CNBD2: variants seen among roughly 807,000 people sequenced by gnomAD.
The protein encoded by CNBD2 is cyclic nucleotide binding domain containing 2, also known as cyclic nucleotide-binding domain-containing protein 2.
In CNBD2, 64 loss-of-function variants were observed where a neutral mutation model predicts 63.7. That is an observed-to-expected ratio of 1.00 (90% CI 0.82 to 1.24). The LOEUF (loss-of-function observed/expected upper bound fraction) is 1.24. Ranked by LOEUF, CNBD2 falls within the 50% of genes most tolerant of loss-of-function variation. CNBD2 has a pLI of 0.00. For missense variants in CNBD2, 691 were observed against 713.5 expected, an observed-to-expected ratio of 0.97 and a Z score of 0.36; for synonymous variants, 229 against 255.4, an observed-to-expected ratio of 0.90 and a Z score of 0.99.
chr20:35,980,306 A>G (rs2056578071), intron 3 of CNBD2, among the ~76,000 whole-genome samples, 153 bp from the exon 4 acceptor site: 2 of 151,438 alleles, frequency 1.3e-5, no homozygotes, highest in African/African-American at 2.4e-5. Flanking sequence ...TAAAATGTTT[A>G]TCCCAGTGCC....
rs2056683524 is a variant in CNBD2 at position 35,987,451 on chromosome 20, T to C, written c.773T>C (p.Met258Thr). 1.2e-6 allele frequency: 2 copies of C among 1,614,076 alleles called. No homozygotes were observed. The highest frequency in any genetic ancestry group is 2.2e-5 in the East Asian group (1 of 44,890). ...GAGAAGCTCTGGCAGCTGGTAGCCA[T>C]GGCGAAGATAGAGAGGTTCTCGTAT... is the stretch of plus-strand genomic sequence containing the variant. ...SDEKLWQLVA[M>T]AKIERFSYGQ... The change falls in exon 7 of 12, where the codon ATG becomes ACG. Residue 258 changes from methionine to threonine, a missense_variant. Physicochemically the swap from Met to Thr is moderately conservative, Grantham distance 81. Coordinates refer to ENST00000373973, the MANE Select transcript of CNBD2 (RefSeq NM_001365709.1).
intron 11 of CNBD2, among the ~76,000 whole-genome samples, chr20:36,024,123 G>C (rs957510123): frequency 1.8e-4 from 27 of 152,200 alleles, no homozygotes; most frequent in African/African-American, 6.0e-4. Context: ...ATCACTTGAG[G>C]TCAGGAGTTT....
chr20:36,014,675 G>T (rs374240588), intron 10 of CNBD2, among the ~76,000 whole-genome samples: 1 of 151,772 alleles, frequency 6.6e-6, no homozygotes, highest in Non-Finnish European at 1.5e-5. Flanking sequence ...TGTCACTCAG[G>T]CTGGAGTGCA....
chr20:35,998,477 G>A (rs1386254989), intron 8 of CNBD2, among the ~76,000 whole-genome samples: 5 of 152,096 alleles, frequency 3.3e-5, no homozygotes, highest in Non-Finnish European at 1.5e-5. Flanking sequence ...TTGCTGTTTT[G>A]GGGTGCAGTG....
chr20:35,966,718 C>T (rs369010236), upstream of CNBD2, among the ~76,000 whole-genome samples: 1 of 152,192 alleles, frequency 6.6e-6, no homozygotes, highest in East Asian at 1.9e-4. Context: ...TCCAGGGCCT[C>T]CAAGTTCTAA....
intron 10 of CNBD2, among the ~76,000 whole-genome samples, chr20:36,023,210 C>T (rs1283624731): frequency 2.0e-5 from 3 of 152,132 alleles, no homozygotes; most frequent in African/African-American, 4.8e-5. Context: ...CTGTTTGAGG[C>T]CTTCTTTTTC....
At chr20:35,955,763 GTTTTGTTTTTGT>G (rs797002811), downstream of CNBD2, among the ~76,000 whole-genome samples, 1 of 152,114 alleles carries the variant, frequency 6.6e-6, no homozygotes, top group Non-Finnish European at 1.5e-5. Context: ...CTCACAAATA[GTTTTGTTTTTGT>G]TTTTGTTTTT....
At chr20:35,981,876 C>T (rs892486288) in intron 4 of CNBD2, among the ~76,000 whole-genome samples, 1 of 152,186 alleles carries the variant, frequency 6.6e-6, no homozygotes, top group Non-Finnish European at 1.5e-5. Flanking sequence ...TCCCTTCCCT[C>T]AGGAGTTTGC....
chr20:35,968,669 T>G lies in CNBD2; in HGVS notation c.-94T>G. On this transcript the variant is annotated 5_prime_UTR_variant, in exon 1 of 12. Transcript: ENST00000373973. ...TGCCTTGTTACTGAGGAAATCTATT[T>G]GTTTCTAGTATTACTGGATTTTTGG... 2.3e-6 allele frequency: 2 copies of G among 876,846 alleles called. No homozygotes were observed. 54.3% of individuals were successfully genotyped at this position (876,846 alleles called of 1,614,324 possible).
chr20:35,999,824 C>T (rs1353640208), intron 8 of CNBD2, among the ~76,000 whole-genome samples: 2 of 151,882 alleles, frequency 1.3e-5, no homozygotes, highest in South Asian at 4.2e-4. Flanking sequence ...ATTATAGGTG[C>T]CTGCCACCAT....
chr20:36,011,396 A>G (rs2057059065), intron 10 of CNBD2, 139 bp downstream of exon 10: 3 of 1,165,402 alleles, frequency 2.6e-6, no homozygotes, highest in Non-Finnish European at 3.4e-6. Flanking sequence ...TAAAGATGTG[A>G]TAAGAATAGG....
chr20:35,972,502 CCAGCACACTA>C lies in CNBD2; in HGVS notation c.52-115_52-106del, dbSNP rs2056434047. On this transcript the variant is annotated intron_variant, in intron 1 of 11. Transcript: ENST00000373973. ...AATTCCTGAAAATGTAACCATCACT[CCAGCACACTA>C]CAGCACACTACTGCATTTAATCCTG... is the stretch of plus-strand genomic sequence containing the variant. The C allele has an allele frequency of 7.9e-6, 7 of 883,998 alleles. No homozygotes were observed. In the South Asian group the frequency reaches 8.4e-5, roughly 11 times the overall value. 54.8% of individuals were successfully genotyped at this position (883,998 alleles called of 1,614,324 possible). A position where few individuals can be genotyped will look rare whatever the true frequency, so the allele number is the denominator to read the frequency against.
intron 3 of CNBD2, 125 bp from the exon 4 acceptor site, chr20:35,980,334 T>C: frequency 1.3e-6 from 1 of 799,984 alleles, no homozygotes; most frequent in East Asian, 2.5e-5. Context: ...CAGTAAGCAC[T>C]CATCACGTCA....
At chr20:35,968,291 G>A (rs1443547775), upstream of CNBD2, among the ~76,000 whole-genome samples, 1 of 152,114 alleles carries the variant, frequency 6.6e-6, no homozygotes, top group African/African-American at 2.4e-5. Context: ...TCATGGCACT[G>A]GTAGGAGTGT....
intron 8 of CNBD2, among the ~76,000 whole-genome samples, chr20:36,001,608 C>T (rs1393121753): frequency 5.6e-3 from 603 of 107,494 alleles, no homozygotes; most frequent in Middle Eastern, 0.012. Context: ...GACGGGGCGG[C>T]TGCCAGGCGG....
rs371561356 is a variant in CNBD2 at position 36,023,790 on chromosome 20, C to T, written c.1439+19C>T. 7.7e-5 allele frequency: 120 copies of T among 1,563,522 alleles called. No individual in the cohort carries two copies. The highest frequency in any genetic ancestry group is 9.2e-5 in the Non-Finnish European group (106 of 1,155,410). Reference sequence around the variant, plus strand: ...TCCCCAGGTCAGTACTGGAAATGTGCGTAAGTCCCATCAGGTGAAATGAAC... The same window carrying T: ...TCCCCAGGTCAGTACTGGAAATGTGTGTAAGTCCCATCAGGTGAAATGAAC... On this transcript the variant is annotated intron_variant, in intron 11 of 11. Coordinates refer to ENST00000373973, the MANE Select transcript of CNBD2 (RefSeq NM_001365709.1).
At chr20:35,986,992 G>A (rs6142474) in intron 6 of CNBD2, among the ~76,000 whole-genome samples, 28,146 of 152,132 alleles carry the variant, frequency 0.19, 2,828 homozygotes, top group South Asian at 0.41. Context: ...CAAAGGTAGG[G>A]CCAGAACCGC....
At chr20:36,008,917 G>GTGTCCCC (rs1358957134) in intron 9 of CNBD2, among the ~76,000 whole-genome samples, 5,406 of 152,236 alleles carry the variant, frequency 0.036, 340 homozygotes, top group African/African-American at 0.12. Flanking sequence ...TCTTATTTTA[G>GTGTCCCC]AGGTCAAGGG....
chr20:35,984,549 G>T, intron 5 of CNBD2, 78 bp from the exon 6 acceptor site: 1 of 1,464,898 alleles, frequency 6.8e-7, no homozygotes. Context: ...GAAGATGGAG[G>T]CACGGAAGAT....
Sources: allele counts gnomAD v4.1 joint callset (sites outside exome capture counted in the v4.1 genomes callset), GRCh38; gene constraint gnomAD v4.1.1; transcripts MANE v1.5; gene names NCBI Gene and HGNC (gene_info 2026-07-23, HGNC 2026-07-21).